The following TTC39A variants were observed in gnomAD, a reference collection of about 807,000 sequenced individuals.
TTC39A encodes the protein tetratricopeptide repeat domain 39A, also known as tetratricopeptide repeat protein 39A.
TTC39A carries 46 observed loss-of-function variants against 82.3 expected under a neutral mutation model. That is an observed-to-expected ratio of 0.56 (90% confidence interval 0.44 to 0.71). TTC39A has a LOEUF of 0.71. Among genes scored for constraint, TTC39A ranks in the 30% least tolerant of loss-of-function variants. The pLI is 0.00. For synonymous variants in TTC39A, 254 were observed against 275.2 expected (o/e 0.92, Z 0.76); for missense variants, 543 against 712.9 (o/e 0.76, Z 2.71).
chr1:51,297,554 C>T (rs1413811455), intron 12 of TTC39A: 2 of 152,432 alleles, frequency 1.3e-5, no homozygotes, highest in Non-Finnish European at 2.9e-5. Flanking sequence ...TCACCCTTGT[C>T]CTCTCCCTTT....
In TTC39A at chr1:51,330,529, G is replaced by C. The variant is rs1645875491; in HGVS notation, c.-52C>G. On this transcript the variant is annotated 5_prime_UTR_variant, in exon 1 of 18. Transcript: ENST00000680483. The surrounding 1 kb of genome is among the most constrained non-coding windows in gnomAD (Gnocchi z 4.5). ...CCAGCCGGACGCCAATCGCGGCCCA[G>C]GTGCTGCCGCCGCAACCCCGAGCCG... The C allele has an allele frequency of 2.0e-6, 2 of 983,758 alleles. No homozygotes were observed. Among genetic ancestry groups the C allele is most frequent in the African/African-American group, 1.8e-5 (1 of 56,908 alleles). 60.9% of individuals were successfully genotyped at this position (983,758 alleles called of 1,614,324 possible).
rs574050631 is a variant in TTC39A at position 51,317,665 on chromosome 1, G to C, written c.146+4056C>G. Among the ~76,000 whole-genome samples, 5 of 152,224 alleles carry C rather than the reference G, an allele frequency of 3.3e-5. No homozygotes were observed. The East Asian group carries it at 9.7e-4, about 29-fold the overall frequency. ...CTCAGGAGGCTGAGGCAGGAGAATC[G>C]CTTGAACCCAGGAGGTGGAGGTTGC... is the stretch of plus-strand genomic sequence containing the variant. On this transcript the variant is annotated intron_variant, in intron 2 of 17. Coordinates refer to ENST00000680483, the MANE Select transcript of TTC39A (RefSeq NM_001297663.2).
intron 14 of TTC39A, among the ~76,000 whole-genome samples, chr1:51,290,903 C>G (rs1569743579): frequency 1.3e-5 from 2 of 152,308 alleles, no homozygotes; most frequent in Middle Eastern, 6.8e-3. Flanking sequence ...AGTTTTCCAG[C>G]TATTTTCCTG....
chr1:51,316,612 G>T (rs1232918368), intron 2 of TTC39A, among the ~76,000 whole-genome samples: 1 of 152,216 alleles, frequency 6.6e-6, no homozygotes, highest in Non-Finnish European at 1.5e-5. Context: ...TGGGGCCTCA[G>T]CCTCGGCCAG....
rs113824158 is a variant in TTC39A, at chr1:51,325,254, C to CAA, written c.42-3431_42-3430dup. ...GGGCAACAAGAGCAAAATTCCATCTCAAAAAAAAAAAAAAAACCACAAATG... is the reference window on the plus strand; with the variant it reads ...GGGCAACAAGAGCAAAATTCCATCTCAAAAAAAAAAAAAAAAAACCACAAATG... On this transcript the variant is annotated intron_variant, in intron 1 of 17. Transcript: ENST00000680483. Among the ~76,000 whole-genome samples, 31 of 110,678 alleles carry CAA rather than the reference C, an allele frequency of 2.8e-4. No homozygotes were observed. The South Asian group carries it at 4.5e-3, about 16-fold the overall frequency. 72.6% of individuals were successfully genotyped at this position (110,678 alleles called of 152,430 possible). A position where few individuals can be genotyped will look rare whatever the true frequency, so the allele number is the denominator to read the frequency against.
chr1:51,329,040 A>G (rs1187854039), intron 1 of TTC39A, among the ~76,000 whole-genome samples: 1 of 152,184 alleles, frequency 6.6e-6, no homozygotes, highest in African/African-American at 2.4e-5. Flanking sequence ...GGTTCTGCAT[A>G]AGGAAGACCC....
chr1:51,302,211 G>A (rs747724557), intron 11 of TTC39A, 146 bp downstream of exon 11: 2 of 1,011,668 alleles, frequency 2.0e-6, no homozygotes, highest in South Asian at 1.4e-5. Flanking sequence ...GGCCTCTCCT[G>A]CCCCTGCTCT....
At chr1:51,343,472 G>C (rs1054272104) in intron 1 of TTC39A, among the ~76,000 whole-genome samples, 1 of 152,222 alleles carries the variant, frequency 6.6e-6, no homozygotes, top group African/African-American at 2.4e-5. Flanking sequence ...CTCAGACACA[G>C]CTCAGGGTTT....
At position 51,321,904 on chromosome 1, in the gene TTC39A, G is replaced by C; in HGVS notation, c.42-79C>G. On this transcript the variant is annotated intron_variant, in intron 1 of 17. Transcript: ENST00000680483. The surrounding 1 kb of genome is among the most constrained non-coding windows in gnomAD (Gnocchi z 4.6). Reference sequence around the variant, plus strand: ...TCCTGGCTGGAACAGAGCCTCACAGGGTCTACTCAGCCTCCCTGGCCAGCC... The same window carrying C: ...TCCTGGCTGGAACAGAGCCTCACAGCGTCTACTCAGCCTCCCTGGCCAGCC... The C allele has an allele frequency of 7.0e-7, 1 of 1,436,992 alleles. No homozygotes were observed. Among genetic ancestry groups the C allele is most frequent in the Non-Finnish European group, 9.6e-7 (1 of 1,044,224 alleles). 89.0% of individuals were successfully genotyped at this position (1,436,992 alleles called of 1,614,324 possible).
chr1:51,331,269 C>G, upstream of TTC39A: 1 of 1,547,858 alleles, frequency 6.5e-7, no homozygotes. Flanking sequence ...GTGTGGGGGT[C>G]ACCCACAACG....
chr1:51,325,413 T>C (rs999390165), intron 1 of TTC39A, among the ~76,000 whole-genome samples: 10 of 152,198 alleles, frequency 6.6e-5, no homozygotes, highest in African/African-American at 2.4e-4. Flanking sequence ...ATGGTGTCTG[T>C]CTCTGCCCAG....
At chr1:51,323,389 T>C (rs1288455391) in intron 1 of TTC39A, among the ~76,000 whole-genome samples, 3 of 152,156 alleles carry the variant, frequency 2.0e-5, no homozygotes, top group South Asian at 2.1e-4. Context: ...GCTGGGATTA[T>C]AGGTATAAGC....
rs1645518470 is a variant in TTC39A, at chr1:51,321,559, C to T, written c.146+162G>A. On this transcript the variant is annotated intron_variant, in intron 2 of 17. Transcript: ENST00000680483. This position sits in a 1 kb window ranked among gnomAD's most constrained non-coding sequence, Gnocchi z 4.6. ...TGGAGAGGGCCTGGCTGCACACAGG[C>T]CGTGGAATGGAGCTTGAGCCATTTT... is the stretch of plus-strand genomic sequence containing the variant. 6.6e-6 allele frequency among the ~76,000 whole-genome samples: 1 copy of T among 152,202 alleles called. No homozygotes were observed. The highest frequency in any genetic ancestry group is 1.5e-5 in the Non-Finnish European group (1 of 68,038).
intron 1 of TTC39A, chr1:51,343,136 A>T (rs1026483841): frequency 4.5e-6 from 2 of 448,038 alleles, no homozygotes; most frequent in Admixed American, 2.4e-5. Flanking sequence ...AAATCATCCC[A>T]TGTCCTCATC....
intron 9 of TTC39A, among the ~76,000 whole-genome samples, chr1:51,302,802 C>T (rs753042644): frequency 6.6e-6 from 1 of 152,190 alleles, no homozygotes; most frequent in Non-Finnish European, 1.5e-5. Context: ...CAAGGCTGTG[C>T]CCAGAACCAT....
Position 51,330,356 on chromosome 1 carries a change from A to T in TTC39A, c.41+81T>A. ...CGGCCCCAGGCCGGTGCGCGGGGGG[A>T]GGCCTGGCGCGGCGCCCGCCACCTG... is the stretch of plus-strand genomic sequence containing the variant. On this transcript the variant is annotated intron_variant, in intron 1 of 17. Transcript: ENST00000680483. This position sits in a 1 kb window ranked among gnomAD's most constrained non-coding sequence, Gnocchi z 4.5. 1.1e-6 allele frequency: 1 copy of T among 914,060 alleles called. No homozygotes were observed. The highest frequency in any genetic ancestry group is 1.3e-6 in the Non-Finnish European group (1 of 767,264). 56.6% of individuals were successfully genotyped at this position (914,060 alleles called of 1,614,324 possible).
At chr1:51,312,550 C>G (rs925990514) in intron 3 of TTC39A, among the ~76,000 whole-genome samples, 2 of 152,314 alleles carry the variant, frequency 1.3e-5, no homozygotes, top group African/African-American at 2.4e-5. Flanking sequence ...TCGTGTCCAG[C>G]CTGGCCTACC....
intron 8 of TTC39A, among the ~76,000 whole-genome samples, chr1:51,303,577 G>C (rs1644763039): frequency 6.6e-6 from 1 of 152,196 alleles, no homozygotes; most frequent in Non-Finnish European, 1.5e-5. Flanking sequence ...GCATAGGTGG[G>C]GCCTGGGAAG....
At chr1:51,301,974 A>C in intron 11 of TTC39A, 1 of 649,094 alleles carries the variant, frequency 1.5e-6, no homozygotes, top group Non-Finnish European at 2.8e-6. Context: ...TCTGGTTTTT[A>C]GTAACAAAAT....
Sources: gnomAD v4.1 joint callset for allele counts (sites outside exome capture counted in the v4.1 genomes callset) on GRCh38, gnomAD v4.1.1 for gene constraint, Gnocchi (gnomAD v3.1) non-coding constraint, MANE v1.5 for transcripts, NCBI Gene and HGNC (gene_info 2026-07-23, HGNC 2026-07-21) for gene names.